PCNX2: variants seen among roughly 807,000 people sequenced by gnomAD.
The protein encoded by PCNX2 is pecanex-like protein 2.
In PCNX2, 168 loss-of-function variants were observed where a neutral mutation model predicts 223.8. That is an observed-to-expected ratio of 0.75 (90% CI 0.66 to 0.85). PCNX2 has a LOEUF of 0.85. Ranked by LOEUF, PCNX2 falls within the 40% of genes least tolerant of loss-of-function variation. The pLI, the probability that PCNX2 is intolerant of heterozygous loss-of-function variation, is 0.00. For missense variants in PCNX2, 2,507 were observed against 2,675.5 expected (o/e 0.94, Z 1.39); for synonymous variants, 1,006 against 1,052.6 (o/e 0.96, Z 0.86).
chr1:233,158,418 A>G (rs1351749738), intron 19 of PCNX2, among the ~76,000 whole-genome samples: 1 of 152,210 alleles, frequency 6.6e-6, no homozygotes, highest in African/African-American at 2.4e-5. Flanking sequence ...AGGTAAAGGT[A>G]AAAGTATAGG....
intron 1 of PCNX2, chr1:233,290,745 A>G: frequency 1.0e-6 from 1 of 983,406 alleles, no homozygotes; most frequent in Non-Finnish European, 1.2e-6. Flanking sequence ...TTATCAAAGA[A>G]GGTCTCTAAG....
intron 28 of PCNX2, among the ~76,000 whole-genome samples, chr1:233,012,648 T>TAA (rs1196583914): frequency 6.6e-6 from 1 of 151,836 alleles, no homozygotes; most frequent in Non-Finnish European, 1.5e-5. Flanking sequence ...AAACAAAGTT[T>TAA]AAAAAAGCAG....
chr1:233,007,969 G>A (rs140259552), intron 28 of PCNX2, among the ~76,000 whole-genome samples: 110 of 152,188 alleles, frequency 7.2e-4, no homozygotes, highest in Admixed American at 1.8e-3. Flanking sequence ...GTGAGCCACC[G>A]TGCCCAGCCC....
At chr1:233,057,765 G>T in intron 23 of PCNX2, 1 of 476,412 alleles carries the variant, frequency 2.1e-6, no homozygotes, top group Non-Finnish European at 2.7e-6. Context: ...TCAGCTACTT[G>T]GGAGGCTGAA....
chr1:233,181,203 T>A (rs1027292926), intron 15 of PCNX2: 1 of 150,364 alleles, frequency 6.7e-6, no homozygotes, highest in African/African-American at 2.4e-5. Context: ...TGCTGACTTT[T>A]TTTTTTTTTT....
At chr1:233,136,532 C>T (rs1316557658) in intron 20 of PCNX2, among the ~76,000 whole-genome samples, 2 of 152,146 alleles carry the variant, frequency 1.3e-5, no homozygotes, top group Non-Finnish European at 1.5e-5. Context: ...AGGCCTTGTA[C>T]AGCAGGCTTG....
chr1:233,124,444 G>C (rs1259769256), intron 21 of PCNX2, among the ~76,000 whole-genome samples: 1 of 152,186 alleles, frequency 6.6e-6, no homozygotes, highest in African/African-American at 2.4e-5. Flanking sequence ...AATGGAGCAT[G>C]AGTCAAAACT....
chr1:233,312,103 G>C, the PCNX2 span, among the ~76,000 whole-genome samples: 1 of 152,082 alleles, frequency 6.6e-6, no homozygotes, highest in Non-Finnish European at 1.5e-5. Flanking sequence ...ACTCCAGCCT[G>C]GGCTACAGAG....
At chr1:233,250,586 A>T (rs1659393420) in intron 8 of PCNX2, 153 bp downstream of exon 8, 2 of 985,300 alleles carry the variant, frequency 2.0e-6, no homozygotes, top group African/African-American at 3.5e-5. Context: ...TCACAATGTC[A>T]GATTTCCTTT....
Position 233,241,094 on chromosome 1 carries a change from A to G in PCNX2, c.2223-4114T>C, listed in dbSNP as rs145022845. 15 of 824,324 alleles carry G rather than the reference A, an allele frequency of 1.8e-5. No homozygotes were observed. The East Asian group carries it at 1.7e-3, about 96-fold the overall frequency. 51.1% of individuals were successfully genotyped at this position (824,324 alleles called of 1,614,324 possible). ...CCCAGCAACATGTTCAACATGTAGG[A>G]TGTTTAACTAAAGCAGCACTGTTCT... On this transcript the variant is annotated intron_variant, in intron 8 of 33. Transcript: ENST00000258229.
rs1286534354 is a variant in PCNX2 at position 233,014,788 on chromosome 1, A to AGAAGTTAAC, written c.4840-12_4840-11insGTTAACTTC. 1.2e-6 allele frequency: 2 copies of AGAAGTTAAC among 1,602,316 alleles called. No individual in the cohort carries two copies. Among genetic ancestry groups the AGAAGTTAAC allele is most frequent in the East Asian group, 4.5e-5 (2 of 44,814 alleles). ...CAGGGTCGTTGAAGGCTGAAAGAGCAAGAAGTTAACTCAGCTTTCACACAG... is the reference window on the plus strand; with the variant it reads ...CAGGGTCGTTGAAGGCTGAAAGAGCAGAAGTTAACAGAAGTTAACTCAGCTTTCACACAG... On this transcript the variant is annotated splice_polypyrimidine_tract_variant and intron_variant, in intron 27 of 33. Coordinates refer to ENST00000258229, the MANE Select transcript of PCNX2 (RefSeq NM_014801.4).
chr1:233,324,595 G>GA, the PCNX2 span, among the ~76,000 whole-genome samples: 12 of 136,156 alleles, frequency 8.8e-5, no homozygotes, highest in East Asian at 4.1e-4. Flanking sequence ...ATGGTTTACT[G>GA]AAATTTTTTT....
At chr1:232,995,608 T>C (rs1669848624) in intron 32 of PCNX2, among the ~76,000 whole-genome samples, 1 of 152,214 alleles carries the variant, frequency 6.6e-6, no homozygotes, top group African/African-American at 2.4e-5. Flanking sequence ...ATTTTTGTTT[T>C]AATCCAGGCA....
At chr1:233,032,936 T>C in intron 25 of PCNX2, 1 of 950,788 alleles carries the variant, frequency 1.1e-6, no homozygotes, top group South Asian at 4.9e-5. Flanking sequence ...AATATGAAAA[T>C]AATAAAACCC....
chr1:233,173,027 A>G (rs562063252), intron 17 of PCNX2, among the ~76,000 whole-genome samples: 5 of 152,304 alleles, frequency 3.3e-5, no homozygotes, highest in Non-Finnish European at 5.9e-5. Flanking sequence ...CTGAAAATCA[A>G]TTTTTGATTG....
chr1:233,033,535 C>T (rs949064811), intron 25 of PCNX2, among the ~76,000 whole-genome samples: 2 of 152,116 alleles, frequency 1.3e-5, no homozygotes, highest in African/African-American at 4.8e-5. Flanking sequence ...GGCAAAGACA[C>T]CAGAGAGATG....
intron 8 of PCNX2, among the ~76,000 whole-genome samples, chr1:233,243,977 A>T (rs956341175): frequency 1.3e-5 from 2 of 152,042 alleles, no homozygotes; most frequent in Non-Finnish European, 2.9e-5. Context: ...GACTACAGGC[A>T]TGTGCCACCA....
At chr1:233,327,194 G>A in the PCNX2 span, among the ~76,000 whole-genome samples, 1 of 152,012 alleles carries the variant, frequency 6.6e-6, no homozygotes, top group Non-Finnish European at 1.5e-5. Flanking sequence ...CTCTCCCACC[G>A]CTTCTTGGAG....
At chr1:233,180,498 C>G (rs1014187337) in intron 15 of PCNX2, among the ~76,000 whole-genome samples, 2 of 151,948 alleles carry the variant, frequency 1.3e-5, no homozygotes, top group Non-Finnish European at 2.9e-5. Flanking sequence ...TAGTCAAGAA[C>G]TTAAATACTT....
Sources: allele counts gnomAD v4.1 joint callset (sites outside exome capture counted in the v4.1 genomes callset), GRCh38; gene constraint gnomAD v4.1.1; transcripts MANE v1.5; gene names NCBI Gene and HGNC (gene_info 2026-07-23, HGNC 2026-07-21).